Variants in PCSK5 observed in about 807,000 individuals in gnomAD.
PCSK5 encodes proprotein convertase subtilisin/kexin type 5.
PCSK5 carries 129 observed loss-of-function variants against 233.2 expected under a neutral mutation model. That is an observed-to-expected ratio of 0.55 (90% CI 0.48 to 0.64). The LOEUF is 0.64. Among genes scored for constraint, PCSK5 ranks in the 30% least tolerant of loss-of-function variants. The pLI is 0.00. For missense variants in PCSK5, 2,076 were observed against 2,430.1 expected, an observed-to-expected ratio of 0.85 and a Z score of 3.06; for synonymous variants, 825 against 879.2, an observed-to-expected ratio of 0.94 and a Z score of 1.09.
intron 20 of PCSK5, among the ~76,000 whole-genome samples, chr9:76,197,704 C>A (rs1169506261): frequency 1.6e-5 from 1 of 63,358 alleles, no homozygotes; most frequent in Non-Finnish European, 3.1e-5. Context: ...ATTTAATACC[C>A]CCCCTCCTTC....
At chr9:75,916,830 G>A (rs1278395466) in intron 1 of PCSK5, among the ~76,000 whole-genome samples, 1 of 152,134 alleles carries the variant, frequency 6.6e-6, no homozygotes, top group African/African-American at 2.4e-5. Context: ...TCCCAAAGGG[G>A]TGATATTACC....
At chr9:76,097,378 G>GC (rs1386465402) in intron 8 of PCSK5, among the ~76,000 whole-genome samples, 1 of 137,296 alleles carries the variant, frequency 7.3e-6, no homozygotes, top group African/African-American at 3.0e-5. Context: ...TCCTGCCTCA[G>GC]CCTCCCGAGT....
At chr9:76,013,447 G>A (rs575756967) in intron 3 of PCSK5, among the ~76,000 whole-genome samples, 1 of 152,228 alleles carries the variant, frequency 6.6e-6, no homozygotes, top group Non-Finnish European at 1.5e-5. Context: ...GAGTTTCAGG[G>A]GTTGACTTAA....
intron 5 of PCSK5, among the ~76,000 whole-genome samples, chr9:76,031,819 A>G (rs1828664004): frequency 6.6e-6 from 1 of 152,236 alleles, no homozygotes; most frequent in Admixed American, 6.5e-5. Flanking sequence ...TCATATATCT[A>G]ATTCTTGATA....
At chr9:76,075,758 A>G (rs1259511159) in intron 7 of PCSK5, among the ~76,000 whole-genome samples, 1 of 152,374 alleles carries the variant, frequency 6.6e-6, no homozygotes, top group Non-Finnish European at 1.5e-5. Flanking sequence ...CTGAAAACCT[A>G]TGCAGCAGCC....
At chr9:75,935,075 A>G (rs1449361422) in intron 2 of PCSK5, among the ~76,000 whole-genome samples, 1 of 151,394 alleles carries the variant, frequency 6.6e-6, no homozygotes, top group African/African-American at 2.4e-5. Flanking sequence ...TTTTATTTTT[A>G]TTTTATTTTT....
At chr9:75,980,203 T>A (rs1826216524) in intron 2 of PCSK5, among the ~76,000 whole-genome samples, 1 of 152,184 alleles carries the variant, frequency 6.6e-6, no homozygotes, top group Non-Finnish European at 1.5e-5. Flanking sequence ...ATTAGAACAA[T>A]AACACTATGA....
At chr9:76,349,004 G>T (rs1454234809) in intron 35 of PCSK5, among the ~76,000 whole-genome samples, 1 of 152,120 alleles carries the variant, frequency 6.6e-6, no homozygotes, top group Non-Finnish European at 1.5e-5. Context: ...GGGTGTGGTG[G>T]CTCACGCCTG....
At chr9:76,315,565 C>T (rs1215350036) in intron 30 of PCSK5, among the ~76,000 whole-genome samples, 2 of 151,172 alleles carry the variant, frequency 1.3e-5, no homozygotes, top group East Asian at 3.9e-4. Flanking sequence ...AAATAAAGCA[C>T]TAAGAAAAAC....
At chr9:76,171,786 G>A (rs191449886) in intron 13 of PCSK5, among the ~76,000 whole-genome samples, 4 of 152,166 alleles carry the variant, frequency 2.6e-5, no homozygotes, top group East Asian at 1.9e-4. Flanking sequence ...TTCTTTTTAC[G>A]CCAGACGAGA....
chr9:76,328,557 G>A (rs947593844), intron 33 of PCSK5, among the ~76,000 whole-genome samples: 2 of 151,870 alleles, frequency 1.3e-5, no homozygotes, highest in Non-Finnish European at 2.9e-5. Context: ...ATGTATACAT[G>A]TACATCATTC....
At chr9:76,197,317 A>C (rs1300660434) in intron 20 of PCSK5, among the ~76,000 whole-genome samples, 1 of 152,194 alleles carries the variant, frequency 6.6e-6, no homozygotes, top group East Asian at 1.9e-4. Flanking sequence ...TTTCCACTCC[A>C]GTTATCAGAG....
At chr9:75,997,648 A>T (rs1827078435) in intron 3 of PCSK5, among the ~76,000 whole-genome samples, 1 of 152,236 alleles carries the variant, frequency 6.6e-6, no homozygotes. Flanking sequence ...TAATTGCATA[A>T]GTCAGAATTG....
At chr9:76,049,264 T>G (rs1829538442) in intron 5 of PCSK5, among the ~76,000 whole-genome samples, 1 of 152,222 alleles carries the variant, frequency 6.6e-6, no homozygotes, top group African/African-American at 2.4e-5. Context: ...ATCCCGTAAG[T>G]TATTTCTAAA....
intron 7 of PCSK5, among the ~76,000 whole-genome samples, chr9:76,091,046 A>T (rs973994232): frequency 6.6e-6 from 1 of 152,182 alleles, no homozygotes; most frequent in Non-Finnish European, 1.5e-5. Context: ...TAAGAGAGTA[A>T]TGGAGAATGG....
upstream of PCSK5, among the ~76,000 whole-genome samples, chr9:75,890,110 G>A (rs1051834797): frequency 6.6e-6 from 1 of 152,204 alleles, no homozygotes; most frequent in Non-Finnish European, 1.5e-5. Context: ...GATTTCGAAA[G>A]TGAGCAGGCA....
At chr9:76,336,585 A>C (rs1829685447) in intron 34 of PCSK5, among the ~76,000 whole-genome samples, 1 of 152,210 alleles carries the variant, frequency 6.6e-6, no homozygotes. Flanking sequence ...GACTTTAAGC[A>C]AGTTGTCTAA....
intron 25 of PCSK5, 24 bp downstream of exon 25, chr9:76,292,299 GGC>G (rs1198257206): frequency 4.7e-6 from 7 of 1,474,144 alleles, no homozygotes; most frequent in Non-Finnish European, 6.6e-6. Context: ...TCCTTTTCAT[GGC>G]ACTAACTTTT....
At chr9:76,068,362 C>T (rs759625162) in intron 6 of PCSK5, among the ~76,000 whole-genome samples, 1 of 151,960 alleles carries the variant, frequency 6.6e-6, no homozygotes, top group East Asian at 1.9e-4. Flanking sequence ...TGGGTTAGAA[C>T]GAACTAATAA....
Sources: gnomAD v4.1 joint callset for allele counts (sites outside exome capture counted in the v4.1 genomes callset) on GRCh38, gnomAD v4.1.1 for gene constraint, MANE v1.5 for transcripts, NCBI Gene and HGNC (gene_info 2026-07-23, HGNC 2026-07-21) for gene names.